Variants in CDH8 observed in about 807,000 individuals in gnomAD.
CDH8 encodes cadherin-8.
CDH8 carries 17 observed loss-of-function variants against 68.1 expected under a neutral mutation model. The ratio of observed to expected loss-of-function variants is 0.25; its 90% CI spans 0.17 to 0.37. The LOEUF is 0.37. CDH8 is among the 10% of genes least tolerant of loss of function. CDH8 has a pLI of 1.00. For synonymous variants in CDH8, 372 were observed against 365.1 expected (o/e 1.02, Z -0.21); for missense variants, 763 against 999.3 (o/e 0.76, Z 3.19).
At chr16:61,896,704 G>C (rs914350457) in intron 3 of CDH8, among the ~76,000 whole-genome samples, 4 of 152,160 alleles carry the variant, frequency 2.6e-5, no homozygotes, top group Non-Finnish European at 5.9e-5. Flanking sequence ...ACAGACACCA[G>C]ACATCCAATG....
At chr16:61,774,236 A>C (rs2142989562) in intron 8 of CDH8, among the ~76,000 whole-genome samples, 1 of 152,112 alleles carries the variant, frequency 6.6e-6, no homozygotes, top group South Asian at 2.1e-4. Flanking sequence ...TCAGAAGGGA[A>C]GAAAAATCAA....
chr16:61,857,045 A>C, intron 4 of CDH8, 74 bp downstream of exon 4: 1 of 1,555,620 alleles, frequency 6.4e-7, no homozygotes, highest in Non-Finnish European at 8.8e-7. Flanking sequence ...AATATTTCAT[A>C]ACCCAAATCC....
At chr16:61,756,121 T>G in intron 8 of CDH8, among the ~76,000 whole-genome samples, 1 of 152,244 alleles carries the variant, frequency 6.6e-6, no homozygotes, top group Admixed American at 6.5e-5. Flanking sequence ...GCAACCAACC[T>G]TAATAGAGAT....
intron 2 of CDH8, among the ~76,000 whole-genome samples, chr16:62,019,244 C>G (rs972755222): frequency 6.6e-6 from 1 of 152,176 alleles, no homozygotes; most frequent in African/African-American, 2.4e-5. Context: ...CTCAATAACT[C>G]ATAAGTGTAA....
In CDH8 at chr16:61,873,574, AC is replaced by A. The variant is rs1378113147; in HGVS notation, c.548-16337del. On this transcript the variant is annotated intron_variant, in intron 3 of 11. Transcript: ENST00000577390. The stretch of plus-strand genomic sequence containing the variant: ...ACAGTCCCTGACTTATGACGGGTCA[AC>A]TTATGAATTTTTGACCTTTATGATG... Among the ~76,000 whole-genome samples the A allele has an allele frequency of 7.2e-5, 11 of 152,382 alleles. No homozygotes were observed. In the East Asian group the frequency reaches 1.9e-3, roughly 27 times the overall value.
intron 2 of CDH8, among the ~76,000 whole-genome samples, chr16:61,971,805 G>C (rs56391958): frequency 1.3e-5 from 2 of 151,976 alleles, no homozygotes; most frequent in Non-Finnish European, 2.9e-5. Flanking sequence ...ACAAAAAGAC[G>C]TCACTTTGGA....
intron 8 of CDH8, among the ~76,000 whole-genome samples, chr16:61,784,011 G>C (rs1043948181): frequency 2.6e-5 from 4 of 152,166 alleles, no homozygotes; most frequent in Admixed American, 6.5e-5. Flanking sequence ...ATCGAGGCTA[G>C]GAAGAAACTG....
chr16:61,878,049 T>G (rs1322760680), intron 3 of CDH8, among the ~76,000 whole-genome samples: 1 of 152,218 alleles, frequency 6.6e-6, no homozygotes, highest in African/African-American at 2.4e-5. Context: ...TTCACAGAAC[T>G]GACCATCTAG....
chr16:61,947,115 T>C (rs554952721), intron 2 of CDH8, among the ~76,000 whole-genome samples: 1 of 152,300 alleles, frequency 6.6e-6, no homozygotes, highest in East Asian at 1.9e-4. Flanking sequence ...CAAAAAACAG[T>C]GTCACAAACA....
chr16:61,865,946 A>G (rs527456296), intron 3 of CDH8, among the ~76,000 whole-genome samples: 4 of 152,182 alleles, frequency 2.6e-5, no homozygotes, highest in Admixed American at 2.6e-4. Context: ...GCAGGTAGAA[A>G]TGTCATTCAT....
At chr16:61,979,385 A>G (rs1051812439) in intron 2 of CDH8, among the ~76,000 whole-genome samples, 2 of 152,194 alleles carry the variant, frequency 1.3e-5, no homozygotes, top group African/African-American at 4.8e-5. Context: ...TTATTTACAG[A>G]GCAACATAAA....
chr16:61,697,463 T>C (rs927574088), intron 10 of CDH8, among the ~76,000 whole-genome samples: 2 of 151,680 alleles, frequency 1.3e-5, no homozygotes, highest in African/African-American at 2.4e-5. Flanking sequence ...CACCAAGCTA[T>C]GAGATGCAGT....
chr16:61,876,166 TGCCCG>T (rs1963456033), intron 3 of CDH8, among the ~76,000 whole-genome samples: 1 of 152,172 alleles, frequency 6.6e-6, no homozygotes, highest in African/African-American at 2.4e-5. Flanking sequence ...TGAGCCACTG[TGCCCG>T]GCCAGGTTTT....
chr16:61,937,562 A>G (rs1406693532), intron 2 of CDH8, among the ~76,000 whole-genome samples: 1 of 152,234 alleles, frequency 6.6e-6, no homozygotes, highest in Non-Finnish European at 1.5e-5. Context: ...CAAAGAGGGC[A>G]GTAAACAGCA....
chr16:61,900,897 T>C (rs1963957657), intron 3 of CDH8, among the ~76,000 whole-genome samples: 1 of 152,192 alleles, frequency 6.6e-6, no homozygotes, highest in Admixed American at 6.5e-5. Context: ...TCAGTAACAA[T>C]ACTCAAACTA....
intron 10 of CDH8, among the ~76,000 whole-genome samples, chr16:61,679,913 G>A (rs1207665932): frequency 6.6e-6 from 1 of 151,906 alleles, no homozygotes; most frequent in Admixed American, 6.6e-5. Flanking sequence ...GAATTAGAAA[G>A]TTCCTCATTG....
intron 1 of CDH8, among the ~76,000 whole-genome samples, chr16:62,031,528 A>T (rs1902324920): frequency 6.6e-6 from 1 of 152,092 alleles, no homozygotes; most frequent in Non-Finnish European, 1.5e-5. Context: ...AGCATTTGCA[A>T]TTGTCTTTGG....
intron 1 of CDH8, chr16:62,035,073 T>C (rs1275241022): frequency 6.6e-6 from 1 of 152,186 alleles, no homozygotes; most frequent in African/African-American, 2.4e-5. Context: ...GCGGAGGAAA[T>C]TGTGGATACC....
chr16:61,857,311 T>G, intron 3 of CDH8, 73 bp from the exon 4 acceptor site: 1 of 1,342,956 alleles, frequency 7.4e-7, no homozygotes. Context: ...TTTTGTCAAG[T>G]ATTTTATACA....
Sources: allele counts gnomAD v4.1 joint callset (sites outside exome capture counted in the v4.1 genomes callset), GRCh38; gene constraint gnomAD v4.1.1; transcripts MANE v1.5; gene names NCBI Gene and HGNC (gene_info 2026-07-23, HGNC 2026-07-21).